Variants in RPSA2 observed in about 807,000 individuals in gnomAD.
The protein encoded by RPSA2 is small ribosomal subunit protein uS2B.
At chr19:23,772,642 A>T in the RPSA2 span, among the ~76,000 whole-genome samples, 17 of 152,298 alleles carry the variant, frequency 1.1e-4, no homozygotes, top group South Asian at 3.1e-3. Context: ...GGCACAGCAC[A>T]AAAGTGAGCT....
At chr19:23,856,226 C>G in the RPSA2 span, among the ~76,000 whole-genome samples, 1 of 151,974 alleles carries the variant, frequency 6.6e-6, no homozygotes, top group East Asian at 1.9e-4. Flanking sequence ...ACTTACAAGG[C>G]CAAATCACCC....
chr19:23,802,966 A>G, the RPSA2 span, among the ~76,000 whole-genome samples: 1 of 152,184 alleles, frequency 6.6e-6, no homozygotes, highest in Non-Finnish European at 1.5e-5. Context: ...AAGAACACTT[A>G]TTTATCTTCT....
chr19:23,834,504 A>G, the RPSA2 span, among the ~76,000 whole-genome samples: 1 of 152,060 alleles, frequency 6.6e-6, no homozygotes, highest in African/African-American at 2.4e-5. Context: ...TGGTTAACTT[A>G]TAATATTTTG....
chr19:23,849,383 A>T, the RPSA2 span, among the ~76,000 whole-genome samples: 3 of 152,192 alleles, frequency 2.0e-5, no homozygotes, highest in Admixed American at 6.5e-5. Flanking sequence ...TTAGGGTCCC[A>T]TAAAGGAAGA....
At chr19:23,807,608 T>A in the RPSA2 span, among the ~76,000 whole-genome samples, 3 of 151,556 alleles carry the variant, frequency 2.0e-5, no homozygotes, top group South Asian at 4.2e-4. Context: ...AAGTATCATA[T>A]ATACACTGAT....
chr19:23,763,939 G>A, the RPSA2 span, among the ~76,000 whole-genome samples: 56 of 152,194 alleles, frequency 3.7e-4, no homozygotes, highest in Non-Finnish European at 6.0e-4. Context: ...TGCAAGAATT[G>A]GTTAGTTATG....
chr19:23,811,126 C>T, the RPSA2 span, among the ~76,000 whole-genome samples: 1 of 150,818 alleles, frequency 6.6e-6, no homozygotes, highest in Non-Finnish European at 1.5e-5. Context: ...TCAAGTGATT[C>T]TCCTGCCTCA....
the RPSA2 span, among the ~76,000 whole-genome samples, chr19:23,762,314 A>T: frequency 6.6e-6 from 1 of 152,068 alleles, no homozygotes; most frequent in Admixed American, 6.5e-5. Context: ...GCAGTGTGGT[A>T]CGGCATGGTG....
At chr19:23,858,548 G>T in the RPSA2 span, among the ~76,000 whole-genome samples, 1 of 152,166 alleles carries the variant, frequency 6.6e-6, no homozygotes. Flanking sequence ...GGAAGTCCTT[G>T]GTAAAGTTTC....
At chr19:23,835,015 G>A in the RPSA2 span, among the ~76,000 whole-genome samples, 1 of 151,960 alleles carries the variant, frequency 6.6e-6, no homozygotes, top group African/African-American at 2.4e-5. Context: ...TCACATTAGA[G>A]GAAATGAGAT....
At chr19:23,856,597 G>A in the RPSA2 span, among the ~76,000 whole-genome samples, 52 of 152,238 alleles carry the variant, frequency 3.4e-4, no homozygotes, top group African/African-American at 1.1e-3. Flanking sequence ...ATGCACTTAG[G>A]ATAAAACCAT....
chr19:23,848,632 T>C, the RPSA2 span, among the ~76,000 whole-genome samples: 5 of 152,242 alleles, frequency 3.3e-5, no homozygotes, highest in Admixed American at 3.3e-4. Flanking sequence ...CCATGAATGA[T>C]CAGTCTTGTT....
chr19:23,789,019 C>CTTTTTTTTTTTTTTTT, the RPSA2 span, among the ~76,000 whole-genome samples: 11 of 112,624 alleles, frequency 9.8e-5, 2 homozygotes, highest in East Asian at 2.6e-4. Flanking sequence ...TTTTTTCTTT[C>CTTTTTTTTTTTTTTTT]TTTCTTTTTT....
the RPSA2 span, among the ~76,000 whole-genome samples, chr19:23,843,889 A>C: frequency 6.6e-6 from 1 of 152,084 alleles, no homozygotes. Context: ...CCTTCTGAGT[A>C]GCTGGGATTA....
At chr19:23,849,599 T>C in the RPSA2 span, among the ~76,000 whole-genome samples, 3 of 152,152 alleles carry the variant, frequency 2.0e-5, no homozygotes, top group Admixed American at 1.3e-4. Flanking sequence ...AGGTGGGTAA[T>C]GCCCTTATCT....
the RPSA2 span, among the ~76,000 whole-genome samples, chr19:23,802,813 C>A: frequency 6.6e-6 from 1 of 152,170 alleles, no homozygotes; most frequent in Non-Finnish European, 1.5e-5. Flanking sequence ...AATTATGCAT[C>A]ATATGGTGGG....
the RPSA2 span, chr19:23,832,677 C>G: frequency 2.0e-6 from 3 of 1,491,138 alleles, no homozygotes; most frequent in Non-Finnish European, 2.7e-6. Context: ...GGTTCATTAC[C>G]CTAACTGGTC....
chr19:23,833,834 T>G, the RPSA2 span, among the ~76,000 whole-genome samples: 1 of 152,114 alleles, frequency 6.6e-6, no homozygotes, highest in Non-Finnish European at 1.5e-5. Flanking sequence ...TACCTTTACT[T>G]GTATCAGAAA....
At chr19:23,758,848 G>C in the RPSA2 span, 3 of 1,545,198 alleles carry the variant, frequency 1.9e-6, no homozygotes, top group Non-Finnish European at 1.8e-6. Context: ...AGAGGACACA[G>C]AGCAGTGAAG....
Sources: allele counts gnomAD v4.1 joint callset (sites outside exome capture counted in the v4.1 genomes callset), GRCh38; gene constraint gnomAD v4.1.1; transcripts MANE v1.5; gene names NCBI Gene and HGNC (gene_info 2026-07-23, HGNC 2026-07-21).